UBE3A: variants seen among roughly 807,000 people sequenced by gnomAD.
UBE3A encodes the protein ubiquitin-protein ligase E3A.
Under a neutral mutation model 83.4 loss-of-function variants are expected in UBE3A, and 6 were observed. The ratio of observed to expected loss-of-function variants is 0.07; its 90% CI spans 0.04 to 0.14. The LOEUF (loss-of-function observed/expected upper bound fraction) is 0.14, where lower values mean the gene tolerates loss of function less well. Ranked by LOEUF, UBE3A falls within the 10% of genes least tolerant of loss-of-function variation. The pLI is 1.00. For missense variants in UBE3A, 456 were observed against 1,036.1 expected, an observed-to-expected ratio of 0.44 and a Z score of 7.69; for synonymous variants, 337 against 355.4, an observed-to-expected ratio of 0.95 and a Z score of 0.58.
chr15:25,437,114 A>C (rs1286783759), intron 1 of UBE3A, among the ~76,000 whole-genome samples: 1 of 152,118 alleles, frequency 6.6e-6, no homozygotes. Context: ...GTGTTTCTTA[A>C]AAGGGCTTCT....
chr15:25,369,412 A>C (rs1019586432), intron 6 of UBE3A, among the ~76,000 whole-genome samples: 1 of 151,036 alleles, frequency 6.6e-6, no homozygotes, highest in South Asian at 2.1e-4. Context: ...TGCAATTTTT[A>C]ATTTCTGAGA....
At chr15:25,416,032 T>C (rs1452808751) in intron 1 of UBE3A, among the ~76,000 whole-genome samples, 1 of 152,162 alleles carries the variant, frequency 6.6e-6, no homozygotes, top group African/African-American at 2.4e-5. Context: ...TTGTTTCTAA[T>C]AATGTTCCTT....
chr15:25,385,047 C>T (rs1289801862), intron 4 of UBE3A, among the ~76,000 whole-genome samples: 3 of 152,106 alleles, frequency 2.0e-5, no homozygotes, highest in Admixed American at 1.3e-4. Context: ...TTGGACTTGG[C>T]AATGATTTCT....
chr15:25,410,758 T>C (rs1205681184), intron 2 of UBE3A, among the ~76,000 whole-genome samples: 2 of 152,160 alleles, frequency 1.3e-5, no homozygotes, highest in African/African-American at 4.8e-5. Flanking sequence ...ATTTATAGTA[T>C]CTGTAAGAAA....
At chr15:25,363,432 T>C (rs2078460291) in intron 6 of UBE3A, among the ~76,000 whole-genome samples, 1 of 152,144 alleles carries the variant, frequency 6.6e-6, no homozygotes, top group South Asian at 2.1e-4. Flanking sequence ...ACAGCAACAA[T>C]AATATATAGC....
intron 1 of UBE3A, among the ~76,000 whole-genome samples, chr15:25,425,608 T>C (rs1048024311): frequency 5.9e-5 from 9 of 152,210 alleles, no homozygotes; most frequent in Non-Finnish European, 1.0e-4. Flanking sequence ...CAGGCATTTT[T>C]TTCCCTCTAC....
intron 11 of UBE3A, chr15:25,346,234 T>A (rs1057086276): frequency 2.0e-5 from 3 of 152,110 alleles, no homozygotes; most frequent in African/African-American, 7.3e-5. Context: ...CCAAACACAC[T>A]CTGCGCAGCT....
rs1314510485 is a variant in UBE3A, at chr15:25,334,661, G to A, written c.*4476C>T. On this transcript the variant is annotated 3_prime_UTR_variant, in exon 13 of 13. Transcript: ENST00000648336. ...ATCCCAAATCTAAACTTACTACCAA[G>A]CTACAGCCATCAAGACAGTGCGGTG... is the stretch of plus-strand genomic sequence containing the variant. The A allele has an allele frequency of 6.6e-6, 1 of 150,964 alleles. No homozygotes were observed. Among genetic ancestry groups the A allele is most frequent in the African/African-American group, 2.4e-5 (1 of 40,970 alleles). The allele number at this position is 150,964 out of a possible 1,614,324, so 9.4% of individuals were successfully genotyped here. A position where few individuals can be genotyped will look rare whatever the true frequency, so the allele number is the denominator to read the frequency against.
chr15:25,387,215 G>A (rs1453109989), intron 4 of UBE3A, among the ~76,000 whole-genome samples: 2 of 152,126 alleles, frequency 1.3e-5, no homozygotes, highest in Non-Finnish European at 2.9e-5. Context: ...CAACACTGAT[G>A]CATTTATTAG....
intron 4 of UBE3A, among the ~76,000 whole-genome samples, chr15:25,397,981 G>T (rs113138398): frequency 5.1e-4 from 78 of 151,920 alleles, no homozygotes; most frequent in African/African-American, 1.7e-3. Flanking sequence ...AGCTATCTTT[G>T]TAAGAGTTTC....
intron 1 of UBE3A, among the ~76,000 whole-genome samples, chr15:25,416,531 G>A (rs886413802): frequency 6.6e-6 from 1 of 151,978 alleles, no homozygotes; most frequent in Non-Finnish European, 1.5e-5. Flanking sequence ...GAGCACAAGG[G>A]GCTACGCAGG....
chr15:25,393,087 T>G (rs1228009713), intron 4 of UBE3A, among the ~76,000 whole-genome samples: 1 of 152,122 alleles, frequency 6.6e-6, no homozygotes, highest in Non-Finnish European at 1.5e-5. Context: ...AAATTTGCCT[T>G]TTCAATAACT....
intron 6 of UBE3A, among the ~76,000 whole-genome samples, chr15:25,367,223 A>ATATTTGTAAATATGTAAATATTTG (rs2079359484): frequency 1.6e-4 from 9 of 56,384 alleles, no homozygotes; most frequent in South Asian, 9.1e-4. Context: ...GTAAATATTT[A>ATATTTGTAAATATGTAAATATTTG]CATATTTGTA....
chr15:25,417,755 CT>C (rs1887629877), intron 1 of UBE3A, among the ~76,000 whole-genome samples: 1 of 151,748 alleles, frequency 6.6e-6, no homozygotes, highest in Non-Finnish European at 1.5e-5. Flanking sequence ...TGTTAATGAC[CT>C]GTGGATAATA....
chr15:25,362,506 T>C (rs1219382003), intron 6 of UBE3A, among the ~76,000 whole-genome samples: 2 of 152,178 alleles, frequency 1.3e-5, no homozygotes, highest in Non-Finnish European at 2.9e-5. Context: ...TAAGAATATA[T>C]GAGAACGAGT....
intron 3 of UBE3A, chr15:25,408,711 A>G (rs1596287140): frequency 2.6e-6 from 4 of 1,548,792 alleles, no homozygotes; most frequent in Non-Finnish European, 3.5e-6. Flanking sequence ...TACTAGTTTT[A>G]TTAATGTTAT....
chr15:25,416,706 C>T (rs1165503724), intron 1 of UBE3A, among the ~76,000 whole-genome samples: 2 of 150,470 alleles, frequency 1.3e-5, no homozygotes, highest in African/African-American at 4.9e-5. Flanking sequence ...ACAACAAGCA[C>T]AACAGAAAGC....
At chr15:25,395,226 G>T (rs2085287005) in intron 4 of UBE3A, among the ~76,000 whole-genome samples, 1 of 152,074 alleles carries the variant, frequency 6.6e-6, no homozygotes, top group Non-Finnish European at 1.5e-5. Context: ...GTTCACACAG[G>T]GCCATGTAAA....
chr15:25,430,357 C>G (rs1287419961), intron 1 of UBE3A, among the ~76,000 whole-genome samples: 2 of 131,870 alleles, frequency 1.5e-5, no homozygotes, highest in African/African-American at 6.0e-5. Context: ...AAGATAAATA[C>G]TATTGTAGCA....
Sources: allele counts gnomAD v4.1 joint callset (sites outside exome capture counted in the v4.1 genomes callset), GRCh38; gene constraint gnomAD v4.1.1; transcripts MANE v1.5; gene names NCBI Gene and HGNC (gene_info 2026-07-23, HGNC 2026-07-21).